The following MAF variants were observed in gnomAD, a reference collection of about 807,000 sequenced individuals.
MAF encodes transcription factor Maf.
MAF carries 10 observed loss-of-function variants against 22.0 expected under a neutral mutation model. The ratio of observed to expected loss-of-function variants is 0.45; its 90% CI spans 0.28 to 0.77. MAF has a LOEUF of 0.77. Ranked by LOEUF, MAF falls within the 30% of genes least tolerant of loss-of-function variation. The probability of loss-of-function intolerance (pLI) is 0.12; values close to 1 mark genes in which losing one functional copy is unlikely to be tolerated. For synonymous variants in MAF, 337 were observed against 255.8 expected (o/e 1.32, Z -3.03); for missense variants, 544 against 548.4 (o/e 0.99, Z 0.08).
the MAF span, among the ~76,000 whole-genome samples, chr16:79,308,934 G>C: frequency 6.6e-6 from 1 of 152,180 alleles, no homozygotes; most frequent in Non-Finnish European, 1.5e-5. Context: ...GGCCCTTCTG[G>C]GGTGATGGGC....
At chr16:79,205,260 C>T in the MAF span, 1 of 152,158 alleles carries the variant, frequency 6.6e-6, no homozygotes, top group Non-Finnish European at 1.5e-5. Flanking sequence ...GCACTTTACT[C>T]TCTCTGAGCC....
the MAF span, among the ~76,000 whole-genome samples, chr16:79,367,699 T>C: frequency 2.6e-5 from 4 of 152,224 alleles, no homozygotes; most frequent in Admixed American, 6.5e-5. Context: ...ATTTTCAGTT[T>C]CACTTAATTC....
At chr16:79,383,084 G>A in the MAF span, among the ~76,000 whole-genome samples, 3 of 152,114 alleles carry the variant, frequency 2.0e-5, no homozygotes, top group Non-Finnish European at 4.4e-5. Context: ...TATATCATTT[G>A]CATGGTATAC....
the MAF span, among the ~76,000 whole-genome samples, chr16:79,464,525 T>G: frequency 3.9e-5 from 6 of 152,170 alleles, no homozygotes; most frequent in Non-Finnish European, 7.3e-5. Flanking sequence ...TAAATGTCAG[T>G]AAGGAACTCA....
chr16:79,496,951 G>A, the MAF span, among the ~76,000 whole-genome samples: 1 of 152,194 alleles, frequency 6.6e-6, no homozygotes, highest in Non-Finnish European at 1.5e-5. Flanking sequence ...AATATTGGTT[G>A]ATGTAATTCT....
chr16:79,427,732 C>A, the MAF span, among the ~76,000 whole-genome samples: 1 of 152,094 alleles, frequency 6.6e-6, no homozygotes, highest in Non-Finnish European at 1.5e-5. Flanking sequence ...CCAGTATTCT[C>A]CTCTGAATTC....
At chr16:79,515,183 T>C in the MAF span, among the ~76,000 whole-genome samples, 160 of 152,346 alleles carry the variant, frequency 1.1e-3, no homozygotes, top group African/African-American at 3.7e-3. Context: ...CTGTTATTTT[T>C]CGCCATTGTC....
chr16:79,274,518 G>A, the MAF span, among the ~76,000 whole-genome samples: 104,669 of 151,886 alleles, frequency 0.69, 36,715 homozygotes, highest in Non-Finnish European at 0.74. Flanking sequence ...ACAGCACATG[G>A]ACTTTCGGGT....
At chr16:79,349,447 T>G in the MAF span, among the ~76,000 whole-genome samples, 61 of 152,336 alleles carry the variant, frequency 4.0e-4, no homozygotes, top group African/African-American at 1.5e-3. Context: ...CCTTCTCTCT[T>G]GTACATCCTA....
the MAF span, among the ~76,000 whole-genome samples, chr16:79,232,909 T>C: frequency 0.071 from 10,684 of 149,736 alleles, 538 homozygotes; most frequent in Middle Eastern, 0.14. Context: ...GGCACCATCT[T>C]GGCTCACTGC....
At chr16:79,502,702 A>AATATAT in the MAF span, among the ~76,000 whole-genome samples, 6 of 86,538 alleles carry the variant, frequency 6.9e-5, no homozygotes, top group African/African-American at 4.9e-4. Context: ...TATAAATATA[A>AATATAT]ATATAAATAT....
chr16:79,497,220 C>T, the MAF span, among the ~76,000 whole-genome samples: 1 of 152,194 alleles, frequency 6.6e-6, no homozygotes, highest in African/African-American at 2.4e-5. Flanking sequence ...GCCTCCGAAT[C>T]CTCATATTTA....
At chr16:79,410,815 C>G in the MAF span, among the ~76,000 whole-genome samples, 6 of 152,266 alleles carry the variant, frequency 3.9e-5, no homozygotes, top group South Asian at 1.0e-3. Context: ...TGGCAGATGA[C>G]TTGTAGGGGC....
chr16:79,323,143 C>T, the MAF span, among the ~76,000 whole-genome samples: 1 of 62,202 alleles, frequency 1.6e-5, no homozygotes, highest in African/African-American at 5.8e-5. Flanking sequence ...CGCGAGACTC[C>T]ATCTAAAAAA....
At chr16:79,432,136 G>C in the MAF span, among the ~76,000 whole-genome samples, 2 of 152,286 alleles carry the variant, frequency 1.3e-5, 1 homozygote, top group Admixed American at 1.3e-4. Context: ...TTTCCCCCAT[G>C]CTGTTCCACT....
the MAF span, among the ~76,000 whole-genome samples, chr16:79,395,606 A>T: frequency 6.6e-6 from 1 of 152,084 alleles, no homozygotes; most frequent in East Asian, 1.9e-4. Flanking sequence ...AAGTCAAGGA[A>T]TGCCGGAGCT....
At chr16:79,259,482 C>G in the MAF span, among the ~76,000 whole-genome samples, 1 of 152,164 alleles carries the variant, frequency 6.6e-6, no homozygotes, top group African/African-American at 2.4e-5. Context: ...TCCCCCACCA[C>G]TAGGAGGTGG....
At chr16:79,528,319 TTCA>T in the MAF span, among the ~76,000 whole-genome samples, 1 of 152,156 alleles carries the variant, frequency 6.6e-6, no homozygotes, top group Non-Finnish European at 1.5e-5. Context: ...TAGAATCACA[TTCA>T]TGAAGAAAAA....
rs1006450781 is a variant in MAF, at chr16:79,594,246, A to C, written c.*214T>G. 5 of 554,752 alleles carry C rather than the reference A, an allele frequency of 9.0e-6. No individual in the cohort carries two copies. The highest frequency in any genetic ancestry group is 3.8e-5 in the African/African-American group (2 of 53,186). 34.4% of individuals were successfully genotyped at this position (554,752 alleles called of 1,614,324 possible). ...CACCTGTTTACTTGCACACACCATA[A>C]ATCGAAAAGCAGGAGTGCGCTTTCC... is the stretch of plus-strand genomic sequence containing the variant. On this transcript the variant is annotated 3_prime_UTR_variant, in exon 2 of 2. Coordinates refer to ENST00000326043, the MANE Select transcript of MAF (RefSeq NM_005360.5).
Sources: allele counts gnomAD v4.1 joint callset (sites outside exome capture counted in the v4.1 genomes callset), GRCh38; gene constraint gnomAD v4.1.1; transcripts MANE v1.5; gene names NCBI Gene and HGNC (gene_info 2026-07-23, HGNC 2026-07-21).